SGCZ: variants seen among roughly 807,000 people sequenced by gnomAD.
The protein encoded by SGCZ is sarcoglycan zeta.
Under a neutral mutation model 41.3 loss-of-function variants are expected in SGCZ, and 40 were observed. The ratio of observed to expected loss-of-function variants is 0.97; its 90% CI spans 0.75 to 1.26. SGCZ has a LOEUF of 1.26. Among genes scored for constraint, SGCZ ranks in the 50% most tolerant of loss-of-function variants. The probability of loss-of-function intolerance (pLI) is 0.00; values close to 1 mark genes in which losing one functional copy is unlikely to be tolerated. For synonymous variants in SGCZ, 206 were observed against 137.5 expected (o/e 1.50, Z -3.49); for missense variants, 552 against 369.8 (o/e 1.49, Z -4.04).
intron 2 of SGCZ, among the ~76,000 whole-genome samples, chr8:14,365,845 T>C (rs1190965070): frequency 6.6e-6 from 1 of 152,140 alleles, no homozygotes; most frequent in Non-Finnish European, 1.5e-5. Flanking sequence ...ACCTTTTCTC[T>C]GTATGATTAT....
chr8:14,117,183 A>G (rs563065220), intron 5 of SGCZ, among the ~76,000 whole-genome samples: 9 of 152,230 alleles, frequency 5.9e-5, no homozygotes, highest in African/African-American at 2.2e-4. Context: ...TGCATTAGAG[A>G]TGAGCATTAG....
chr8:14,593,636 G>A (rs185956707), intron 1 of SGCZ, among the ~76,000 whole-genome samples: 265 of 151,780 alleles, frequency 1.7e-3, no homozygotes, highest in Admixed American at 3.3e-3. Context: ...AGCCTTGTAT[G>A]TGAAAGAAAG....
At chr8:14,762,626 A>G (rs1472211023) in intron 1 of SGCZ, among the ~76,000 whole-genome samples, 1 of 152,216 alleles carries the variant, frequency 6.6e-6, no homozygotes, top group Non-Finnish European at 1.5e-5. Flanking sequence ...CATAAATTCA[A>G]AGCAAAATGA....
At chr8:14,412,665 A>G (rs1799391706) in intron 2 of SGCZ, among the ~76,000 whole-genome samples, 1 of 152,058 alleles carries the variant, frequency 6.6e-6, no homozygotes, top group African/African-American at 2.4e-5. Context: ...ATTCATTTCA[A>G]TAAGGAATTA....
chr8:14,093,377 C>G (rs1473869023), intron 7 of SGCZ, among the ~76,000 whole-genome samples: 1 of 152,046 alleles, frequency 6.6e-6, no homozygotes, highest in Non-Finnish European at 1.5e-5. Flanking sequence ...GATGTCATCC[C>G]CCACACTTCA....
chr8:14,369,821 C>G (rs1465036384), intron 2 of SGCZ, among the ~76,000 whole-genome samples: 3 of 151,836 alleles, frequency 2.0e-5, no homozygotes. Context: ...TAAGTAATTA[C>G]ATGATTATTT....
intron 1 of SGCZ, among the ~76,000 whole-genome samples, chr8:14,658,129 C>T (rs1447997132): frequency 6.6e-6 from 1 of 152,162 alleles, no homozygotes; most frequent in Non-Finnish European, 1.5e-5. Flanking sequence ...GCTCTTGCCC[C>T]ACGCTCCTCC....
chr8:14,915,590 C>A (rs180864191), intron 1 of SGCZ, among the ~76,000 whole-genome samples: 17 of 152,196 alleles, frequency 1.1e-4, no homozygotes, highest in Admixed American at 3.3e-4. Flanking sequence ...AAGATGGCAC[C>A]GATCAACTGG....
At chr8:14,833,536 T>A (rs1585302959) in intron 1 of SGCZ, among the ~76,000 whole-genome samples, 1 of 152,316 alleles carries the variant, frequency 6.6e-6, no homozygotes, top group African/African-American at 2.4e-5. Flanking sequence ...AGGCTGATTG[T>A]TCTTAACATT....
chr8:14,108,069 A>AGT, intron 6 of SGCZ, 94 bp downstream of exon 6: 4 of 913,806 alleles, frequency 4.4e-6, no homozygotes, highest in Non-Finnish European at 4.7e-6. Context: ...TATTGGGAGA[A>AGT]ACATTTGTCT....
chr8:14,268,049 C>G (rs975613019), intron 3 of SGCZ, among the ~76,000 whole-genome samples: 52 of 149,680 alleles, frequency 3.5e-4, no homozygotes, highest in African/African-American at 1.0e-3. Flanking sequence ...ACTTTTTCTT[C>G]AAAGTTTTGG....
chr8:15,217,134 C>A (rs532785156), intron 1 of SGCZ, among the ~76,000 whole-genome samples: 1 of 152,216 alleles, frequency 6.6e-6, no homozygotes, highest in East Asian at 1.9e-4. Context: ...AAGAATTGAA[C>A]TGGCCGGGCG....
At chr8:14,827,598 A>C (rs954722094) in intron 1 of SGCZ, among the ~76,000 whole-genome samples, 2 of 152,164 alleles carry the variant, frequency 1.3e-5, no homozygotes, top group African/African-American at 4.8e-5. Context: ...GTTGTGAAAA[A>C]GAAAGAGTCT....
At chr8:14,598,324 G>T (rs1314882051) in intron 1 of SGCZ, among the ~76,000 whole-genome samples, 1 of 151,620 alleles carries the variant, frequency 6.6e-6, no homozygotes, top group Admixed American at 6.6e-5. Flanking sequence ...ATATGTCGTT[G>T]TATACATTCT....
chr8:14,316,656 C>T (rs1391377637), intron 3 of SGCZ, among the ~76,000 whole-genome samples: 1 of 151,762 alleles, frequency 6.6e-6, no homozygotes, highest in African/African-American at 2.4e-5. Flanking sequence ...GTTTTTTGAC[C>T]TCTCACTGGC....
chr8:14,375,194 G>C, intron 2 of SGCZ, among the ~76,000 whole-genome samples: 1 of 152,286 alleles, frequency 6.6e-6, no homozygotes, highest in African/African-American at 2.4e-5. Flanking sequence ...AAAAAAGTAT[G>C]ATATTTAATG....
At chr8:15,119,470 T>C (rs536263443) in intron 1 of SGCZ, among the ~76,000 whole-genome samples, 1 of 151,652 alleles carries the variant, frequency 6.6e-6, no homozygotes, top group Non-Finnish European at 1.5e-5. Flanking sequence ...GCACACAAGT[T>C]GCAATGAGCC....
At chr8:14,850,832 C>T (rs1803291234) in intron 1 of SGCZ, among the ~76,000 whole-genome samples, 1 of 152,140 alleles carries the variant, frequency 6.6e-6, no homozygotes, top group African/African-American at 2.4e-5. Flanking sequence ...TTTTGCTTCA[C>T]TCAGTACTTC....
At chr8:14,470,182 G>C (rs1481498269) in intron 2 of SGCZ, among the ~76,000 whole-genome samples, 1 of 152,012 alleles carries the variant, frequency 6.6e-6, no homozygotes, top group African/African-American at 2.4e-5. Flanking sequence ...TTATATGTGG[G>C]AAAAACTTCT....
Sources: gnomAD v4.1 joint callset for allele counts (sites outside exome capture counted in the v4.1 genomes callset) on GRCh38, gnomAD v4.1.1 for gene constraint, MANE v1.5 for transcripts, NCBI Gene and HGNC (gene_info 2026-07-23, HGNC 2026-07-21) for gene names.